The following ABR variants were observed in gnomAD, a reference collection of about 807,000 sequenced individuals.
The protein encoded by ABR is ABR activator of RhoGEF and GTPase, also known as active breakpoint cluster region-related protein.
A neutral mutation model predicts 107.2 loss-of-function variants in ABR; 35 were observed. That is an observed-to-expected ratio of 0.33 (90% CI 0.25 to 0.43). The LOEUF (loss-of-function observed/expected upper bound fraction) is 0.43. Ranked by LOEUF, ABR falls within the 20% of genes least tolerant of loss-of-function variation. The pLI is 1.00. For missense variants in ABR, 815 were observed against 1,115.2 expected (o/e 0.73, Z 3.83); for synonymous variants, 498 against 462.0 (o/e 1.08, Z -1.00).
chr17:1,175,324 A>G (rs2041880632), intron 1 of ABR, among the ~76,000 whole-genome samples: 1 of 152,152 alleles, frequency 6.6e-6, no homozygotes, highest in South Asian at 2.1e-4. Context: ...AGGCAGGAGA[A>G]TCGCTTGAAC....
chr17:1,110,306 T>C (rs193156617), intron 2 of ABR, among the ~76,000 whole-genome samples: 1 of 152,020 alleles, frequency 6.6e-6, no homozygotes, highest in Admixed American at 6.5e-5. Flanking sequence ...AAAGCTCTTT[T>C]ACAACCCAAC....
chr17:1,018,607 G>T (rs76292169), intron 16 of ABR, among the ~76,000 whole-genome samples: 8 of 152,056 alleles, frequency 5.3e-5, no homozygotes, highest in African/African-American at 1.9e-4. Flanking sequence ...CAACCTGGTC[G>T]GGGGGAGTGT....
upstream of ABR, among the ~76,000 whole-genome samples, chr17:1,189,890 T>C (rs1283777701): frequency 7.4e-6 from 1 of 135,292 alleles, no homozygotes; most frequent in Non-Finnish European, 1.5e-5. Flanking sequence ...ATAGTTTCAG[T>C]GAATGAATGA....
rs2042998267 is a variant in ABR, at chr17:1,215,967, T to A, written c.838+12826A>T. Among the ~76,000 whole-genome samples, 4 of 135,390 alleles carry A rather than the reference T, an allele frequency of 3.0e-5. No homozygotes were observed. The Admixed American group carries it at 3.1e-4, about 10-fold the overall frequency. The allele number at this position is 135,390 out of a possible 152,430, so 88.8% of individuals were successfully genotyped here. ...AAGATGTGCTTTGTTAAACAGATGCTTGAAGGCAGCGTGCTCGTTAAGAGT... is the reference window on the plus strand; with the variant it reads ...AAGATGTGCTTTGTTAAACAGATGCATGAAGGCAGCGTGCTCGTTAAGAGT... On this transcript the variant is annotated intron_variant, in intron 1 of 22. Transcript: ENST00000574139.
At chr17:1,008,456 C>T (rs753002502) in intron 21 of ABR, among the ~76,000 whole-genome samples, 17 of 152,338 alleles carry the variant, frequency 1.1e-4, no homozygotes, top group Admixed American at 3.3e-4. Context: ...CGCGCGCACA[C>T]GGTCCAGCCA....
At position 1,148,570 on chromosome 17, in the gene ABR, T is replaced by C. The variant is rs1393333867; in HGVS notation, c.62-23203A>G. Among the ~76,000 whole-genome samples, 2 of 152,222 alleles carry C rather than the reference T, an allele frequency of 1.3e-5. No individual in the cohort carries two copies. The highest frequency in any genetic ancestry group is 1.3e-4 in the Admixed American group (2 of 15,278). On this transcript the variant is annotated intron_variant, in intron 1 of 22. Coordinates refer to ENST00000302538, the MANE Select transcript of ABR (RefSeq NM_021962.5). The surrounding 1 kb of genome is among the most constrained non-coding windows in gnomAD (Gnocchi z 4.9). ...TGGTGGGTGAGCAAGCGTCACCCCC[T>C]GAACCCCACTTCCCATCCGAGCAGC...
intron 2 of ABR, among the ~76,000 whole-genome samples, chr17:1,123,520 C>T (rs183823499): frequency 2.5e-4 from 38 of 152,226 alleles, no homozygotes; most frequent in Admixed American, 7.8e-4. Flanking sequence ...ATCGGAAAAT[C>T]GACGGACACG....
chr17:1,156,799 C>T (rs2041063382), intron 1 of ABR, among the ~76,000 whole-genome samples: 2 of 152,138 alleles, frequency 1.3e-5, no homozygotes, highest in Admixed American at 1.3e-4. Context: ...AACTGAGGCA[C>T]AGGGAGATGG....
Position 1,062,700 on chromosome 17 carries a change from C to T in ABR, c.1183-3833G>A, listed in dbSNP as rs1320467845. Among the ~76,000 whole-genome samples the T allele has an allele frequency of 1.4e-5, 2 of 146,024 alleles. 1 individual carries two copies. The highest frequency in any genetic ancestry group is 4.5e-4 in the South Asian group (2 of 4,470). On this transcript the variant is annotated intron_variant, in intron 10 of 22. Transcript: ENST00000302538. ...TGAGGGCTATACATGTTCCTCTAGACACTGCTATTATGTGAACTGAGGGCT... is the reference window on the plus strand; with the variant it reads ...TGAGGGCTATACATGTTCCTCTAGATACTGCTATTATGTGAACTGAGGGCT...
intron 2 of ABR, among the ~76,000 whole-genome samples, chr17:1,107,300 C>G (rs374134567): frequency 6.6e-6 from 1 of 152,238 alleles, no homozygotes; most frequent in African/African-American, 2.4e-5. Context: ...AGGCTGGGAA[C>G]CTGGTGCACC....
chr17:1,085,950 C>T (rs1351623647), intron 4 of ABR, among the ~76,000 whole-genome samples: 2 of 152,080 alleles, frequency 1.3e-5, no homozygotes, highest in South Asian at 2.1e-4. Flanking sequence ...AGTTCGAGAC[C>T]AGCCTGGCCA....
intron 1 of ABR, among the ~76,000 whole-genome samples, chr17:1,146,995 G>A (rs138279307): frequency 7.2e-5 from 11 of 152,356 alleles, no homozygotes; most frequent in Non-Finnish European, 1.5e-4. Context: ...TGGTCAACAC[G>A]ACCAGTGCCC....
chr17:1,195,299 T>C (rs2042534864), intron 1 of ABR, among the ~76,000 whole-genome samples: 1 of 106,964 alleles, frequency 9.3e-6, no homozygotes, highest in East Asian at 4.8e-4. Context: ...AGAATGAGAC[T>C]GTCTCAAAAA....
intron 16 of ABR, among the ~76,000 whole-genome samples, chr17:1,048,007 G>A (rs954449414): frequency 4.6e-5 from 7 of 152,272 alleles, no homozygotes; most frequent in Non-Finnish European, 1.5e-5. Flanking sequence ...GTGGCGTGGC[G>A]ACCACTCGTC....
intron 22 of ABR, among the ~76,000 whole-genome samples, chr17:1,006,544 C>T (rs570650447): frequency 1.3e-5 from 2 of 152,178 alleles, no homozygotes; most frequent in Non-Finnish European, 1.5e-5. Flanking sequence ...GAGACTGAGG[C>T]CCTCCTGAGA....
intron 2 of ABR, among the ~76,000 whole-genome samples, chr17:1,102,501 G>A (rs1045355283): frequency 1.4e-4 from 22 of 152,230 alleles, no homozygotes; most frequent in Non-Finnish European, 2.2e-4. Flanking sequence ...GAAGACGACT[G>A]TCTTGGGCCA....
intron 1 of ABR, among the ~76,000 whole-genome samples, chr17:1,199,695 C>T (rs1489206724): frequency 6.6e-6 from 1 of 152,156 alleles, no homozygotes; most frequent in Non-Finnish European, 1.5e-5. Context: ...TCAGGTGATC[C>T]ACCCACCTCA....
chr17:1,036,479 G>A (rs57069967), intron 16 of ABR, among the ~76,000 whole-genome samples: 5 of 151,300 alleles, frequency 3.3e-5, no homozygotes, highest in South Asian at 2.1e-4. Context: ...AGAGCAGGGC[G>A]GACCCGAGGC....
intron 1 of ABR, among the ~76,000 whole-genome samples, chr17:1,173,311 C>A (rs1413944481): frequency 7.9e-3 from 201 of 25,458 alleles, no homozygotes; most frequent in African/African-American, 0.011. Flanking sequence ...AGTCCACCCC[C>A]CCCATCACCT....
Sources: allele counts gnomAD v4.1 joint callset (sites outside exome capture counted in the v4.1 genomes callset), GRCh38; gene constraint gnomAD v4.1.1; non-coding constraint Gnocchi (gnomAD v3.1); transcripts MANE v1.5; gene names NCBI Gene and HGNC (gene_info 2026-07-23, HGNC 2026-07-21).